The following LRRC37A2 variants were observed in gnomAD, a reference collection of about 807,000 sequenced individuals.
The protein encoded by LRRC37A2 is leucine rich repeat containing 37 member A2, also known as leucine-rich repeat-containing protein 37A2.
LRRC37A2 carries 9 observed loss-of-function variants against 68.8 expected under a neutral mutation model. That is an observed-to-expected ratio of 0.13 (90% CI 0.08 to 0.23). LRRC37A2 has a LOEUF of 0.23. Among genes scored for constraint, LRRC37A2 ranks in the 10% least tolerant of loss-of-function variants. The pLI is 1.00. For synonymous variants in LRRC37A2, 63 were observed against 367.6 expected (o/e 0.17, Z 9.48); for missense variants, 168 against 950.4 (o/e 0.18, Z 10.82).
the LRRC37A2 span, chr17:46,872,795 C>CCG: frequency 2.5e-6 from 2 of 788,926 alleles, no homozygotes; most frequent in South Asian, 2.0e-5. Context: ...GGCTAGGGGA[C>CCG]GGGGAGGGCT....
chr17:46,760,244 A>C, the LRRC37A2 span, among the ~76,000 whole-genome samples: 1 of 152,088 alleles, frequency 6.6e-6, no homozygotes, highest in South Asian at 2.1e-4. Flanking sequence ...TGACATAGAC[A>C]CTTGTCTCTT....
the LRRC37A2 span, among the ~76,000 whole-genome samples, chr17:46,825,162 C>T: frequency 6.6e-6 from 1 of 152,274 alleles, no homozygotes; most frequent in Non-Finnish European, 1.5e-5. Context: ...CAGCTCCTAG[C>T]ATGGCTGTGA....
the LRRC37A2 span, among the ~76,000 whole-genome samples, chr17:46,846,292 A>G: frequency 1.5e-3 from 228 of 152,306 alleles, no homozygotes; most frequent in African/African-American, 5.3e-3. Context: ...CCACAGTCCA[A>G]TGTTTATTCA....
chr17:46,806,134 C>G, the LRRC37A2 span, among the ~76,000 whole-genome samples: 2 of 152,054 alleles, frequency 1.3e-5, no homozygotes, highest in Non-Finnish European at 2.9e-5. Context: ...CCACTTGCTT[C>G]CGAGCTCCTT....
the LRRC37A2 span, among the ~76,000 whole-genome samples, chr17:46,857,204 C>T: frequency 6.6e-6 from 1 of 152,152 alleles, no homozygotes; most frequent in African/African-American, 2.4e-5. Context: ...CGTGGTGGCT[C>T]ATGCCTGTAA....
chr17:46,804,927 C>T, the LRRC37A2 span, among the ~76,000 whole-genome samples: 3 of 145,382 alleles, frequency 2.1e-5, no homozygotes, highest in South Asian at 7.2e-4. Flanking sequence ...CCACCCCCCC[C>T]ACCCCCAAGC....
chr17:47,019,664 C>T, the LRRC37A2 span: 2 of 1,399,950 alleles, frequency 1.4e-6, no homozygotes, highest in Non-Finnish European at 2.0e-6. Context: ...AACAGAAGGC[C>T]TCCACAAGCA....
the LRRC37A2 span, among the ~76,000 whole-genome samples, chr17:46,908,743 G>C: frequency 2.0e-5 from 3 of 152,164 alleles, no homozygotes; most frequent in African/African-American, 7.2e-5. Flanking sequence ...GTGCCTCCCA[G>C]GGGCCTCCGT....
the LRRC37A2 span, among the ~76,000 whole-genome samples, chr17:46,799,786 C>T: frequency 6.6e-6 from 1 of 152,300 alleles, no homozygotes; most frequent in Admixed American, 6.5e-5. Context: ...TCACAACTAC[C>T]TTGAGATCAT....
chr17:46,790,475 G>A, the LRRC37A2 span, among the ~76,000 whole-genome samples: 4 of 152,160 alleles, frequency 2.6e-5, no homozygotes, highest in South Asian at 8.3e-4. Context: ...AGGTTGAGAA[G>A]CACTGCCCTA....
At chr17:46,491,261 C>T in the LRRC37A2 span, among the ~76,000 whole-genome samples, 1 of 150,872 alleles carries the variant, frequency 6.6e-6, no homozygotes, top group Non-Finnish European at 1.5e-5. Context: ...AATATTTTCA[C>T]TTATGCCATG....
the LRRC37A2 span, among the ~76,000 whole-genome samples, chr17:46,857,667 C>T: frequency 6.6e-6 from 1 of 152,018 alleles, no homozygotes; most frequent in South Asian, 2.1e-4. Context: ...TGGCATTTTT[C>T]AGAGTGGTTT....
chr17:46,876,433 C>A, the LRRC37A2 span: 2 of 1,613,736 alleles, frequency 1.2e-6, no homozygotes, highest in Non-Finnish European at 1.7e-6. Context: ...AGCTGTGGGC[C>A]CCTGCCAGGC....
chr17:46,932,594 C>G, the LRRC37A2 span: 1 of 428,054 alleles, frequency 2.3e-6, no homozygotes, highest in Non-Finnish European at 4.2e-6. Flanking sequence ...GCCATTGTGC[C>G]GAGTATGTGT....
At chr17:46,744,215 A>T in the LRRC37A2 span, among the ~76,000 whole-genome samples, 8 of 152,218 alleles carry the variant, frequency 5.3e-5, no homozygotes, top group Non-Finnish European at 1.2e-4. Flanking sequence ...ACCAAATCTC[A>T]TAATTCTATT....
the LRRC37A2 span, among the ~76,000 whole-genome samples, chr17:46,928,608 A>G: frequency 6.6e-6 from 1 of 152,120 alleles, no homozygotes. Context: ...ACAGTGTTGC[A>G]TTTCCAAATG....
chr17:46,809,943 T>C, the LRRC37A2 span, among the ~76,000 whole-genome samples: 3 of 151,636 alleles, frequency 2.0e-5, no homozygotes, highest in African/African-American at 7.3e-5. Flanking sequence ...GGCTCTTAGG[T>C]CCATTCTTAG....
the LRRC37A2 span, among the ~76,000 whole-genome samples, chr17:46,770,977 C>T: frequency 6.6e-6 from 1 of 152,256 alleles, no homozygotes; most frequent in African/African-American, 2.4e-5. Context: ...CTGACACAGG[C>T]TGTGAAACGC....
chr17:47,015,803 C>T, the LRRC37A2 span, among the ~76,000 whole-genome samples: 1 of 151,710 alleles, frequency 6.6e-6, no homozygotes, highest in Non-Finnish European at 1.5e-5. Flanking sequence ...TAAATAAAAC[C>T]CACCAAGGAG....
Sources: gnomAD v4.1 joint callset for allele counts (sites outside exome capture counted in the v4.1 genomes callset) on GRCh38, gnomAD v4.1.1 for gene constraint, MANE v1.5 for transcripts, NCBI Gene and HGNC (gene_info 2026-07-23, HGNC 2026-07-21) for gene names.